The following LAMB1 variants were observed in gnomAD, a reference collection of about 807,000 sequenced individuals.
LAMB1 encodes the protein laminin subunit beta-1.
LAMB1 carries 121 observed loss-of-function variants against 222.3 expected under a neutral mutation model. That is an observed-to-expected ratio of 0.54 (90% CI 0.47 to 0.63). LAMB1 has a LOEUF of 0.63. Among genes scored for constraint, LAMB1 ranks in the 30% least tolerant of loss-of-function variants. The probability of loss-of-function intolerance (pLI) is 0.00; values close to 1 mark genes in which losing one functional copy is unlikely to be tolerated. For synonymous variants in LAMB1, 794 were observed against 807.2 expected (o/e 0.98, Z 0.28); for missense variants, 2,172 against 2,240.8 (o/e 0.97, Z 0.62).
chr7:107,987,016 G>A (rs927573305), intron 5 of LAMB1, among the ~76,000 whole-genome samples: 2 of 152,190 alleles, frequency 1.3e-5, no homozygotes, highest in Non-Finnish European at 1.5e-5. Flanking sequence ...CACCACAGCA[G>A]TATTATTCAC....
chr7:107,995,916 T>C (rs1350757737), intron 4 of LAMB1, among the ~76,000 whole-genome samples: 1 of 151,918 alleles, frequency 6.6e-6, no homozygotes, highest in East Asian at 1.9e-4. Flanking sequence ...TGAAATAAAC[T>C]CTTGCTGGAA....
In LAMB1 at chr7:107,923,967, T is replaced by TA; in HGVS notation, c.5344dup (p.Tyr1782LeufsTer2). On this transcript the variant is annotated frameshift_variant, in exon 34 of 34. Coordinates refer to ENST00000222399, the MANE Select transcript of LAMB1 (RefSeq NM_002291.3). LOFTEE classifies it high-confidence loss of function. ...TCTCCTCTGTTACAAGCATGTGCTA[T>TA]ACACAGCAACTTTCTGGCTTATATC... 1 of 1,609,972 alleles carries TA rather than the reference T, an allele frequency of 6.2e-7. No homozygotes were observed. The highest frequency in any genetic ancestry group is 8.5e-7 in the Non-Finnish European group (1 of 1,178,962).
chr7:107,960,075 T>G (rs781150143), intron 18 of LAMB1, among the ~76,000 whole-genome samples: 2 of 152,158 alleles, frequency 1.3e-5, no homozygotes, highest in African/African-American at 2.4e-5. Flanking sequence ...TCACAGGACA[T>G]TAGACCAAAG....
Position 107,981,321 on chromosome 7 carries a change from G to A in LAMB1, c.677-510C>T, listed in dbSNP as rs1285289225. Among the ~76,000 whole-genome samples, 4 of 152,042 alleles carry A rather than the reference G, an allele frequency of 2.6e-5. No homozygotes were observed. The South Asian group carries it at 6.2e-4, about 24-fold the overall frequency. The stretch of plus-strand genomic sequence containing the variant: ...AAAGTAGCTGGGCATCATGGCATCC[G>A]CCTGTAATCCCAGCTACTAGGGAGA... On this transcript the variant is annotated intron_variant, in intron 7 of 33. Transcript: ENST00000222399.
At chr7:107,962,264 A>G (rs1193211347) in intron 15 of LAMB1, among the ~76,000 whole-genome samples, 1 of 152,166 alleles carries the variant, frequency 6.6e-6, no homozygotes, top group Non-Finnish European at 1.5e-5. Flanking sequence ...CGTCACCTTC[A>G]GTCTTTCGTT....
intron 32 of LAMB1, among the ~76,000 whole-genome samples, chr7:107,925,020 G>C (rs902479088): frequency 2.6e-5 from 4 of 152,146 alleles, no homozygotes; most frequent in South Asian, 4.1e-4. Context: ...CCCTGAAGCA[G>C]AGTACTTGAG....
rs753279908 is a variant in LAMB1 at position 107,955,505 on chromosome 7, G to A, written c.2816C>T (p.Thr939Ile). ...ATCACAAACACAGGCAAGCTGTAAA[G>A]TAACAGGATCTTGGTAGCAGCTCCT... ...FARSCYQDPV[T>I]LQLACVCDPG... The change falls in exon 21 of 34, where the codon ACT becomes ATT. Residue 939 changes from threonine to isoleucine, a missense_variant. Coordinates refer to ENST00000222399, the MANE Select transcript of LAMB1 (RefSeq NM_002291.3). 3.7e-6 allele frequency: 6 copies of A among 1,614,084 alleles called. No individual in the cohort carries two copies. Among genetic ancestry groups the A allele is most frequent in the Non-Finnish European group, 5.1e-6 (6 of 1,179,998 alleles).
chr7:107,977,935 G>T (rs2033900159), intron 9 of LAMB1, 112 bp downstream of exon 9: 5 of 1,208,280 alleles, frequency 4.1e-6, no homozygotes, highest in Non-Finnish European at 5.9e-6. Context: ...CTGGAAAAAA[G>T]ACAGTAACTT....
chr7:107,925,437 G>A (rs1179928988), intron 32 of LAMB1, among the ~76,000 whole-genome samples: 3 of 152,036 alleles, frequency 2.0e-5, no homozygotes, highest in African/African-American at 7.2e-5. Context: ...CCTGATCTGA[G>A]CTGGAACAGT....
Position 107,952,049 on chromosome 7 carries a change from T to C in LAMB1, c.3254A>G (p.Asn1085Ser), listed in dbSNP as rs2033262918. 7 of 1,613,986 alleles carry C rather than the reference T, an allele frequency of 4.3e-6. No homozygotes were observed. The East Asian group carries it at 1.6e-4, about 36-fold the overall frequency. The change falls in exon 23 of 34, where the codon AAC becomes AGC. Residue 1085 changes from asparagine to serine, a missense_variant. Transcript: ENST00000222399. ...LASGTGCDPC[N>S]CNAAHSFGPS... ...CCCGAAGGAATGAGCAGCATTGCAG[T>C]TGCATGGGTCACAGCCAGTGCCACT... is the stretch of plus-strand genomic sequence containing the variant.
chr7:107,961,782 A>C (rs1365229502), intron 15 of LAMB1, 106 bp from the exon 16 acceptor site: 1 of 1,295,528 alleles, frequency 7.7e-7, no homozygotes, highest in South Asian at 1.4e-5. Flanking sequence ...GAAAACAAAC[A>C]GTTGCTCTTC....
intron 29 of LAMB1, among the ~76,000 whole-genome samples, 166 bp downstream of exon 29, chr7:107,931,190 T>C (rs1562974131): frequency 6.6e-6 from 1 of 152,200 alleles, no homozygotes; most frequent in Non-Finnish European, 1.5e-5. Context: ...AGAAAGTTAT[T>C]TGATACACAT....
intron 24 of LAMB1, among the ~76,000 whole-genome samples, chr7:107,950,008 A>G (rs1383883734): frequency 6.6e-6 from 1 of 152,138 alleles, no homozygotes; most frequent in Non-Finnish European, 1.5e-5. Flanking sequence ...GAGGCGGGTG[A>G]ATCATGAGGT....
At chr7:107,988,270 A>G (rs2034117328) in intron 5 of LAMB1, among the ~76,000 whole-genome samples, 1 of 152,234 alleles carries the variant, frequency 6.6e-6, no homozygotes, top group Non-Finnish European at 1.5e-5. Context: ...AAGAGGCGTG[A>G]AAGCATTTGG....
Position 107,998,278 on chromosome 7 carries a change from C to T in LAMB1, c.349+79G>A. 2.8e-6 allele frequency: 4 copies of T among 1,435,780 alleles called. No individual in the cohort carries two copies. In the African/African-American group the frequency reaches 4.2e-5, roughly 15 times the overall value. 88.9% of individuals were successfully genotyped at this position (1,435,780 alleles called of 1,614,324 possible). On this transcript the variant is annotated intron_variant, in intron 4 of 33. Transcript: ENST00000222399. ...AGGACAGAGAAGTGAATCATAATTA[C>T]AAACACCCAGGAACCTGTAAGCTCC...
intron 29 of LAMB1, 126 bp from the exon 30 acceptor site, chr7:107,929,745 C>T: frequency 4.2e-6 from 3 of 722,676 alleles, no homozygotes; most frequent in Admixed American, 2.4e-5. Context: ...CACTAACTTC[C>T]TGTTTAAGAG....
At chr7:107,928,663 T>C (rs759874393) in intron 31 of LAMB1, among the ~76,000 whole-genome samples, 1 of 152,178 alleles carries the variant, frequency 6.6e-6, no homozygotes, top group Admixed American at 6.5e-5. Context: ...CAGCTAACTT[T>C]TGTATCTTTA....
chr7:107,987,701 C>T (rs1391654135), intron 5 of LAMB1, among the ~76,000 whole-genome samples: 2 of 152,174 alleles, frequency 1.3e-5, no homozygotes, highest in African/African-American at 4.8e-5. Flanking sequence ...GGGGTTTCAC[C>T]ATGTTGGCCA....
intron 1 of LAMB1, 31 bp from the exon 2 acceptor site, chr7:108,003,002 C>T: frequency 6.5e-7 from 1 of 1,549,428 alleles, no homozygotes. Flanking sequence ...GGAAAAAAGG[C>T]AAATGTTCAA....
Sources: gnomAD v4.1 joint callset for allele counts (sites outside exome capture counted in the v4.1 genomes callset) on GRCh38, gnomAD v4.1.1 for gene constraint, MANE v1.5 for transcripts, NCBI Gene and HGNC (gene_info 2026-07-23, HGNC 2026-07-21) for gene names.